Variants in URI1 observed in about 807,000 individuals in gnomAD.
The protein encoded by URI1 is URI1 prefoldin like chaperone.
Under a neutral mutation model 60.2 loss-of-function variants are expected in URI1, and 39 were observed. The observed-to-expected ratio is 0.65, with a 90% CI of 0.50 to 0.85. The LOEUF (loss-of-function observed/expected upper bound fraction) is 0.85. URI1 is among the 40% of genes least tolerant of loss of function. URI1 has a pLI of 0.00. For synonymous variants in URI1, 251 were observed against 236.8 expected, an observed-to-expected ratio of 1.06 and a Z score of -0.55; for missense variants, 691 against 665.9, an observed-to-expected ratio of 1.04 and a Z score of -0.42.
intron 1 of URI1, among the ~76,000 whole-genome samples, chr19:29,937,027 C>T (rs1166459606): frequency 4.6e-5 from 7 of 152,222 alleles, no homozygotes. Flanking sequence ...GCTGGGATTA[C>T]AGGCATGAGC....
In URI1 at chr19:29,960,238, GA is replaced by G. The variant is rs552388285; in HGVS notation, c.118-10948del. ...TGGTAAATTTTTCATAATTTACTTG[GA>G]AAAAAATGTTAATCCTGCAGTTTTT... On this transcript the variant is annotated intron_variant, in intron 1 of 10. Transcript: ENST00000392271. 6.1e-3 allele frequency among the ~76,000 whole-genome samples: 930 copies of G among 151,788 alleles called. 9 individuals carry two copies. Among genetic ancestry groups the G allele is most frequent in the African/African-American group, 0.021 (853 of 41,380 alleles).
At chr19:29,937,587 G>A (rs1342508889), upstream of URI1, 1 of 152,202 alleles carries the variant, frequency 6.6e-6, no homozygotes, top group East Asian at 1.9e-4. Context: ...TGTTTGCAAA[G>A]TGTGTAGTCC....
intron 9 of URI1, among the ~76,000 whole-genome samples, 154 bp downstream of exon 9, chr19:30,011,390 G>A (rs539469941): frequency 4.5e-4 from 68 of 152,124 alleles, no homozygotes; most frequent in Middle Eastern, 3.4e-3. Flanking sequence ...TAGGCTGACC[G>A]GCTGTAGCTT....
intron 1 of URI1, among the ~76,000 whole-genome samples, chr19:29,932,694 C>A (rs1166171635): frequency 1.3e-5 from 2 of 150,644 alleles, no homozygotes; most frequent in African/African-American, 4.9e-5. Flanking sequence ...TCTTGTTGCC[C>A]GGGCTGGAGT....
intron 2 of URI1, among the ~76,000 whole-genome samples, chr19:29,982,994 G>A (rs1404139386): frequency 1.3e-5 from 2 of 152,134 alleles, no homozygotes; most frequent in Non-Finnish European, 2.9e-5. Context: ...TCACTCTCTG[G>A]TCTGACTTCA....
chr19:29,988,526 C>T (rs907713428), intron 4 of URI1, among the ~76,000 whole-genome samples: 4 of 152,066 alleles, frequency 2.6e-5, no homozygotes, highest in Non-Finnish European at 1.5e-5. Flanking sequence ...GAAGGATTGA[C>T]GACTTCACGT....
chr19:29,957,239 A>G (rs1243874393), intron 1 of URI1, among the ~76,000 whole-genome samples: 1 of 143,276 alleles, frequency 7.0e-6, no homozygotes, highest in Non-Finnish European at 1.6e-5. Context: ...TAAATGCAAT[A>G]TGTCAATCAA....
chr19:30,006,615 G>C (rs988602457), intron 6 of URI1, among the ~76,000 whole-genome samples: 2 of 152,062 alleles, frequency 1.3e-5, no homozygotes, highest in African/African-American at 4.8e-5. Context: ...AGAGAATAAG[G>C]CTGTGAAACA....
chr19:29,986,515 G>A, intron 4 of URI1, 98 bp downstream of exon 4: 2 of 1,415,724 alleles, frequency 1.4e-6, no homozygotes, highest in Non-Finnish European at 1.9e-6. Flanking sequence ...TACCTTCCGT[G>A]ATCTATGAAT....
rs754868386 is a variant in URI1 at position 30,009,242 on chromosome 19, C to T, written c.924C>T (p.Asp308=). 5.6e-6 allele frequency: 9 copies of T among 1,612,698 alleles called. No individual in the cohort carries two copies. Among genetic ancestry groups the T allele is most frequent in the African/African-American group, 1.3e-5 (1 of 74,822 alleles). Residue 308 remains aspartate, a synonymous_variant, in exon 8 of 11, where the codon GAC becomes GAT. Coordinates refer to ENST00000392271, the MANE Select transcript of URI1 (RefSeq NM_003796.3). ...SDDDDDDDDD[D]DDDNIDDDDG... ...ATGATGATGATGATGATGATGACGA[C>T]GACGACGACAACATTGACGACGATG...
intron 2 of URI1, among the ~76,000 whole-genome samples, chr19:29,974,896 A>G (rs1366711346): frequency 6.6e-6 from 1 of 152,168 alleles, no homozygotes; most frequent in African/African-American, 2.4e-5. Context: ...TGCTGCATCC[A>G]TGTTACTGCA....
intron 4 of URI1, among the ~76,000 whole-genome samples, chr19:29,988,539 G>C (rs2055702790): frequency 6.6e-6 from 1 of 152,242 alleles, no homozygotes; most frequent in African/African-American, 2.4e-5. Context: ...CTTCACGTCT[G>C]TGTCTTTTGA....
At chr19:29,977,012 G>C (rs936697512) in intron 2 of URI1, among the ~76,000 whole-genome samples, 4 of 152,040 alleles carry the variant, frequency 2.6e-5, no homozygotes, top group Non-Finnish European at 5.9e-5. Flanking sequence ...AAAAATAATT[G>C]TTCAGAGGAA....
intron 4 of URI1, among the ~76,000 whole-genome samples, chr19:29,989,073 C>T (rs1392472566): frequency 6.6e-6 from 1 of 151,450 alleles, no homozygotes; most frequent in Admixed American, 6.6e-5. Context: ...ACCTGTTGAA[C>T]TCTTTTGCCC....
chr19:29,961,384 G>GTGGAATCA (rs1204178804), intron 1 of URI1, among the ~76,000 whole-genome samples: 3 of 150,690 alleles, frequency 2.0e-5, no homozygotes, highest in Non-Finnish European at 2.9e-5. Flanking sequence ...ATTACTCTAA[G>GTGGAATCA]TACCTTTAAG....
intron 1 of URI1, among the ~76,000 whole-genome samples, chr19:29,931,435 A>G (rs1288128606): frequency 6.6e-6 from 1 of 152,142 alleles, no homozygotes; most frequent in Non-Finnish European, 1.5e-5. Flanking sequence ...AGAGCAAGAG[A>G]AAGCTCTCTG....
intron 7 of URI1, 56 bp downstream of exon 7, chr19:30,007,694 A>C: frequency 2.8e-6 from 4 of 1,436,790 alleles, no homozygotes; most frequent in Non-Finnish European, 2.8e-6. Flanking sequence ...ACATTTCCTC[A>C]TTAATCTTTT....
intron 4 of URI1, among the ~76,000 whole-genome samples, chr19:29,996,711 C>T (rs75901867): frequency 6.6e-6 from 1 of 151,970 alleles, no homozygotes; most frequent in Non-Finnish European, 1.5e-5. Flanking sequence ...CGCAGTCTTT[C>T]ATCATAGAGT....
chr19:29,993,380 G>A (rs772683257), intron 4 of URI1, among the ~76,000 whole-genome samples: 1 of 152,168 alleles, frequency 6.6e-6, no homozygotes, highest in Non-Finnish European at 1.5e-5. Flanking sequence ...AGAGTAAAAT[G>A]CACATAGGCA....
Sources: allele counts gnomAD v4.1 joint callset (sites outside exome capture counted in the v4.1 genomes callset), GRCh38; gene constraint gnomAD v4.1.1; transcripts MANE v1.5; gene names NCBI Gene and HGNC (gene_info 2026-07-23, HGNC 2026-07-21).